GLRA1: variants seen among roughly 807,000 people sequenced by gnomAD.
GLRA1 encodes the protein glycine receptor alpha 1.
In GLRA1, 37 loss-of-function variants were observed where a neutral mutation model predicts 48.3. The ratio of observed to expected loss-of-function variants is 0.77; its 90% CI spans 0.59 to 1.01. The LOEUF is 1.01. Among genes scored for constraint, GLRA1 ranks in the 50% least tolerant of loss-of-function variants. GLRA1 has a pLI of 0.00. For synonymous variants in GLRA1, 196 were observed against 210.7 expected (o/e 0.93, Z 0.60); for missense variants, 427 against 571.0 (o/e 0.75, Z 2.57).
intron 3 of GLRA1, among the ~76,000 whole-genome samples, chr5:151,872,868 G>A (rs1753523911): frequency 6.7e-6 from 1 of 149,622 alleles, no homozygotes; most frequent in African/African-American, 2.6e-5. Context: ...GTCAAGCTGT[G>A]GTGGAGTGGA....
At chr5:151,881,301 GTTTC>G (rs1418812313) in intron 3 of GLRA1, among the ~76,000 whole-genome samples, 3 of 147,116 alleles carry the variant, frequency 2.0e-5, no homozygotes, top group Non-Finnish European at 4.5e-5. Context: ...TCCTTTGTAC[GTTTC>G]TTTCTTTTTG....
At position 151,889,171 on chromosome 5, in the gene GLRA1, C is replaced by T. The variant is rs140710117; in HGVS notation, c.185-2383G>A. Among the ~76,000 whole-genome samples, 368 of 152,252 alleles carry T rather than the reference C, an allele frequency of 2.4e-3. 2 individuals are homozygous for T. The highest frequency in any genetic ancestry group is 8.4e-3 in the African/African-American group (350 of 41,544). Reference sequence around the variant, plus strand: ...GCCAAAAGGATCCTATGGGAAGGTGCGGTTCATTGAAATAAATCTGAAATT... The same window carrying T: ...GCCAAAAGGATCCTATGGGAAGGTGTGGTTCATTGAAATAAATCTGAAATT... On this transcript the variant is annotated intron_variant, in intron 2 of 8. Coordinates refer to ENST00000274576, the MANE Select transcript of GLRA1 (RefSeq NM_000171.4).
chr5:151,921,786 A>G (rs1455305935), intron 1 of GLRA1, among the ~76,000 whole-genome samples: 1 of 152,226 alleles, frequency 6.6e-6, no homozygotes. Context: ...CATTTAGGTT[A>G]TTGACTCTCA....
Position 151,843,663 on chromosome 5 carries a change from T to G in GLRA1, c.912+7727A>C, listed in dbSNP as rs567734574. Among the ~76,000 whole-genome samples, 13 of 152,300 alleles carry G rather than the reference T, an allele frequency of 8.5e-5. No homozygotes were observed. In the South Asian group the frequency reaches 1.7e-3, roughly 19 times the overall value. ...AAATTGGAGGACTCACACTTCCAAATTTTAAAAATTACTCCAAAGCTACAG... is the reference window on the plus strand; with the variant it reads ...AAATTGGAGGACTCACACTTCCAAAGTTTAAAAATTACTCCAAAGCTACAG... On this transcript the variant is annotated intron_variant, in intron 7 of 8. Transcript: ENST00000274576.
At chr5:151,823,769 C>G (rs1481639398) in intron 8 of GLRA1, among the ~76,000 whole-genome samples, 1 of 152,138 alleles carries the variant, frequency 6.6e-6, no homozygotes. Flanking sequence ...TTCTCTTGTG[C>G]CTTCTCACGT....
chr5:151,868,877 C>T (rs972102679), intron 3 of GLRA1, among the ~76,000 whole-genome samples: 17 of 152,186 alleles, frequency 1.1e-4, no homozygotes, highest in Admixed American at 5.9e-4. Context: ...TGCTTTGTGT[C>T]TTGAATTTCT....
In GLRA1 at chr5:151,894,268, A is replaced by G. The variant is rs1754175731; in HGVS notation, c.57-1830T>C. Among the ~76,000 whole-genome samples, 3 of 152,130 alleles carry G rather than the reference A, an allele frequency of 2.0e-5. No homozygotes were observed. In the South Asian group the frequency reaches 6.2e-4, roughly 32 times the overall value. On this transcript the variant is annotated intron_variant, in intron 1 of 8. Transcript: ENST00000274576. ...TCCTCTCAGCTTCTTTTCTGGTCTC[A>G]TCAGTTGTAACTATTTAAGCAATCA...
chr5:151,903,816 A>G (rs1247134037), intron 1 of GLRA1, among the ~76,000 whole-genome samples: 1 of 152,208 alleles, frequency 6.6e-6, no homozygotes, highest in African/African-American at 2.4e-5. Context: ...CAACAACTTT[A>G]TGAAACATCA....
At position 151,891,794 on chromosome 5, in the gene GLRA1, C is replaced by G. The variant is rs1198683124; in HGVS notation, c.184+517G>C. ...CCCATTATTGAAAATAAAAGTGGAG[C>G]TGTTTGGGGAGGAGCAGGGTGGGCT... On this transcript the variant is annotated intron_variant, in intron 2 of 8. Coordinates refer to ENST00000274576, the MANE Select transcript of GLRA1 (RefSeq NM_000171.4). Among the ~76,000 whole-genome samples the G allele has an allele frequency of 3.3e-5, 5 of 152,100 alleles. 1 individual carries two copies. The highest frequency in any genetic ancestry group is 7.4e-5 in the Non-Finnish European group (5 of 68,026).
intron 1 of GLRA1, among the ~76,000 whole-genome samples, chr5:151,912,631 G>A (rs1236840764): frequency 6.6e-6 from 1 of 152,168 alleles, no homozygotes; most frequent in Admixed American, 6.5e-5. Flanking sequence ...TTTAGGGTTG[G>A]TTGTTTGGAA....
intron 4 of GLRA1, among the ~76,000 whole-genome samples, chr5:151,857,957 A>G (rs887689741): frequency 1.3e-5 from 2 of 152,220 alleles, no homozygotes; most frequent in Non-Finnish European, 2.9e-5. Flanking sequence ...CAGCAAGCTG[A>G]TACATCAGCC....
chr5:151,888,026 G>T (rs746741980), intron 2 of GLRA1, among the ~76,000 whole-genome samples: 1 of 152,168 alleles, frequency 6.6e-6, no homozygotes, highest in Non-Finnish European at 1.5e-5. Context: ...TTCCTATGAG[G>T]TACTGAGGTA....
intron 1 of GLRA1, among the ~76,000 whole-genome samples, chr5:151,893,259 AG>A (rs1420329525): frequency 6.6e-6 from 1 of 152,044 alleles, no homozygotes; most frequent in Non-Finnish European, 1.5e-5. Flanking sequence ...TCATGTATTA[AG>A]AACATGACCC....
chr5:151,890,830 A>G (rs1030529667), intron 2 of GLRA1, among the ~76,000 whole-genome samples: 1 of 152,136 alleles, frequency 6.6e-6, no homozygotes, highest in African/African-American at 2.4e-5. Context: ...TTATTGACTT[A>G]CCTATCCTGG....
At chr5:151,865,828 C>T (rs142274075) in intron 3 of GLRA1, among the ~76,000 whole-genome samples, 15 of 152,270 alleles carry the variant, frequency 9.9e-5, no homozygotes, top group East Asian at 5.8e-4. Flanking sequence ...CTACTGGCAG[C>T]GCCTGCCCTA....
chr5:151,849,869 T>A, intron 7 of GLRA1: 1 of 1,445,444 alleles, frequency 6.9e-7, no homozygotes, highest in East Asian at 2.5e-5. Context: ...TTTTGATGGC[T>A]CTAGTATTTT....
At chr5:151,839,909 CTG>C (rs1763670962) in intron 7 of GLRA1, among the ~76,000 whole-genome samples, 1 of 152,142 alleles carries the variant, frequency 6.6e-6, no homozygotes, top group Admixed American at 6.6e-5. Context: ...ACCACCAAAT[CTG>C]TGGCATTTCT....
At chr5:151,898,401 C>T (rs990070487) in intron 1 of GLRA1, among the ~76,000 whole-genome samples, 1 of 152,094 alleles carries the variant, frequency 6.6e-6, no homozygotes, top group South Asian at 2.1e-4. Context: ...TCTCCAGTTG[C>T]AACATCAATT....
chr5:151,902,782 A>G (rs2113438684), intron 1 of GLRA1, among the ~76,000 whole-genome samples: 1 of 152,304 alleles, frequency 6.6e-6, no homozygotes, highest in East Asian at 1.9e-4. Flanking sequence ...TTTATTTACA[A>G]TACTTAATCC....
Sources: allele counts gnomAD v4.1 joint callset (sites outside exome capture counted in the v4.1 genomes callset), GRCh38; gene constraint gnomAD v4.1.1; transcripts MANE v1.5; gene names NCBI Gene and HGNC (gene_info 2026-07-23, HGNC 2026-07-21).